SLC9A9: variants seen among roughly 807,000 people sequenced by gnomAD.
SLC9A9 encodes the protein solute carrier family 9 member A9.
Under a neutral mutation model 77.8 loss-of-function variants are expected in SLC9A9, and 62 were observed. That is an observed-to-expected ratio of 0.80 (90% CI 0.65 to 0.98). SLC9A9 has a LOEUF of 0.98. Among genes scored for constraint, SLC9A9 ranks in the 50% least tolerant of loss-of-function variants. The probability of loss-of-function intolerance (pLI) is 0.00; values close to 1 mark genes in which losing one functional copy is unlikely to be tolerated. For missense variants in SLC9A9, 775 were observed against 774.9 expected (o/e 1.00, Z 0.00); for synonymous variants, 320 against 283.5 (o/e 1.13, Z -1.29).
chr3:143,491,618 G>A (rs575730707), intron 11 of SLC9A9, among the ~76,000 whole-genome samples: 4 of 152,130 alleles, frequency 2.6e-5, no homozygotes, highest in Non-Finnish European at 4.4e-5. Context: ...TTTTAACGCA[G>A]CTCCAATACT....
At chr3:143,712,483 C>T (rs17650337) in intron 4 of SLC9A9, among the ~76,000 whole-genome samples, 62,394 of 152,042 alleles carry the variant, frequency 0.41, 14,197 homozygotes, top group South Asian at 0.55. Context: ...AGCAATCTAC[C>T]GGGGGTAACA....
intron 5 of SLC9A9, among the ~76,000 whole-genome samples, chr3:143,672,445 A>G (rs535931230): frequency 3.0e-4 from 46 of 152,364 alleles, no homozygotes; most frequent in Admixed American, 1.8e-3. Context: ...GAGAAACTGA[A>G]GGAAAACAAA....
intron 12 of SLC9A9, among the ~76,000 whole-genome samples, chr3:143,447,777 C>T (rs1278633419): frequency 2.0e-5 from 3 of 152,130 alleles, no homozygotes; most frequent in African/African-American, 7.2e-5. Context: ...TTGTTCATAG[C>T]CCCGCTGTCT....
intron 4 of SLC9A9, among the ~76,000 whole-genome samples, chr3:143,789,190 A>T (rs754210032): frequency 6.6e-6 from 1 of 152,180 alleles, no homozygotes; most frequent in African/African-American, 2.4e-5. Flanking sequence ...TACATGGTAA[A>T]ATCATAGCAT....
At position 143,744,195 on chromosome 3, in the gene SLC9A9, C is replaced by A. The variant is rs1935149382; in HGVS notation, c.533+50806G>T. 2.6e-5 allele frequency among the ~76,000 whole-genome samples: 4 copies of A among 152,230 alleles called. No homozygotes were observed. In the South Asian group the frequency reaches 8.3e-4, roughly 32 times the overall value. ...AAGAATTTTAAAGCACAAAAAAATT[C>A]TTGATTTTGCTTTAAAGCCTAACTA... On this transcript the variant is annotated intron_variant, in intron 4 of 15. Coordinates refer to ENST00000316549, the MANE Select transcript of SLC9A9 (RefSeq NM_173653.4).
At chr3:143,313,193 T>C (rs1341818063) in intron 14 of SLC9A9, 1 of 152,288 alleles carries the variant, frequency 6.6e-6, no homozygotes, top group African/African-American at 2.4e-5. Context: ...TCCGTGGTTG[T>C]TGTAGAGCCT....
intron 9 of SLC9A9, among the ~76,000 whole-genome samples, chr3:143,495,835 C>G (rs1157026618): frequency 6.6e-6 from 1 of 152,116 alleles, no homozygotes; most frequent in Non-Finnish European, 1.5e-5. Flanking sequence ...TGCACATTAC[C>G]CAGTAGATCC....
chr3:143,535,400 C>T (rs998776435), intron 9 of SLC9A9, among the ~76,000 whole-genome samples: 7 of 152,044 alleles, frequency 4.6e-5, no homozygotes, highest in Admixed American at 1.3e-4. Flanking sequence ...TTTCTGACAA[C>T]GATATCAGAG....
chr3:143,805,204 A>G (rs1395605308), intron 2 of SLC9A9, among the ~76,000 whole-genome samples: 2 of 151,918 alleles, frequency 1.3e-5, no homozygotes. Flanking sequence ...TAGTTTCTCA[A>G]TTCATCCAAA....
intron 12 of SLC9A9, among the ~76,000 whole-genome samples, chr3:143,400,594 C>T (rs1275269314): frequency 1.3e-5 from 2 of 151,758 alleles, no homozygotes; most frequent in African/African-American, 2.4e-5. Flanking sequence ...GTATACTACT[C>T]GGGTGATAGG....
At chr3:143,622,901 A>C (rs2038246873) in intron 6 of SLC9A9, among the ~76,000 whole-genome samples, 1 of 152,214 alleles carries the variant, frequency 6.6e-6, no homozygotes, top group African/African-American at 2.4e-5. Flanking sequence ...TAGGCTCAAA[A>C]TAAAGGGATG....
At position 143,708,537 on chromosome 3, in the gene SLC9A9, A is replaced by G. The variant is rs1002930896; in HGVS notation, c.534-15230T>C. Among the ~76,000 whole-genome samples the G allele has an allele frequency of 3.9e-5, 6 of 152,304 alleles. 1 individual carries two copies. ...AAACTATGTTTAATACTCACTGGATATAAGCATTCCTTTCTCACTGCCATC... is the reference window on the plus strand; with the variant it reads ...AAACTATGTTTAATACTCACTGGATGTAAGCATTCCTTTCTCACTGCCATC... On this transcript the variant is annotated intron_variant, in intron 4 of 15. Coordinates refer to ENST00000316549, the MANE Select transcript of SLC9A9 (RefSeq NM_173653.4).
chr3:143,364,188 T>C (rs930076460), intron 13 of SLC9A9, among the ~76,000 whole-genome samples: 1 of 151,906 alleles, frequency 6.6e-6, no homozygotes, highest in African/African-American at 2.4e-5. Flanking sequence ...GAGAAAGTGT[T>C]TGATGGGTGT....
chr3:143,266,304 T>G lies in SLC9A9; in HGVS notation c.*398A>C. On this transcript the variant is annotated 3_prime_UTR_variant, in exon 16 of 16. Coordinates refer to ENST00000316549, the MANE Select transcript of SLC9A9 (RefSeq NM_173653.4). Reference sequence around the variant, plus strand: ...GCAAAATGTTTACTCTCAGAAGCTTTCTTTTATTTTTAAACTCTCCTTAAT... The same window carrying G: ...GCAAAATGTTTACTCTCAGAAGCTTGCTTTTATTTTTAAACTCTCCTTAAT... The G allele has an allele frequency of 1.7e-6, 1 of 581,736 alleles. No individual in the cohort carries two copies. The highest frequency in any genetic ancestry group is 2.9e-5 in the East Asian group (1 of 34,804). 36.0% of individuals were successfully genotyped at this position (581,736 alleles called of 1,614,324 possible).
intron 12 of SLC9A9, among the ~76,000 whole-genome samples, chr3:143,403,577 CT>C (rs1272050982): frequency 3.3e-5 from 5 of 151,274 alleles, no homozygotes; most frequent in African/African-American, 7.3e-5. Context: ...GGAAATGTGA[CT>C]TTGTTTTCCT....
chr3:143,629,572 C>CGTGTGT (rs112725310), intron 6 of SLC9A9, among the ~76,000 whole-genome samples: 4 of 146,646 alleles, frequency 2.7e-5, no homozygotes, highest in East Asian at 2.0e-4. Context: ...CGTGTGTGTG[C>CGTGTGT]GTGTGTGTGT....
At chr3:143,626,095 T>A (rs1000443286) in intron 6 of SLC9A9, among the ~76,000 whole-genome samples, 4 of 152,192 alleles carry the variant, frequency 2.6e-5, no homozygotes, top group Non-Finnish European at 5.9e-5. Flanking sequence ...GGAATGGCGA[T>A]CATTAAAAAG....
chr3:143,839,437 C>T (rs1036814737), intron 1 of SLC9A9, among the ~76,000 whole-genome samples: 3 of 152,208 alleles, frequency 2.0e-5, no homozygotes, highest in Middle Eastern at 6.8e-3. Flanking sequence ...AACATCAGAT[C>T]CTCCATCAGA....
chr3:143,791,472 C>G (rs2008222000), intron 4 of SLC9A9, among the ~76,000 whole-genome samples: 2 of 152,198 alleles, frequency 1.3e-5, no homozygotes, highest in Non-Finnish European at 2.9e-5. Flanking sequence ...CACAATCTCT[C>G]TCCATGGCCT....
Sources: gnomAD v4.1 joint callset for allele counts (sites outside exome capture counted in the v4.1 genomes callset) on GRCh38, gnomAD v4.1.1 for gene constraint, MANE v1.5 for transcripts, NCBI Gene and HGNC (gene_info 2026-07-23, HGNC 2026-07-21) for gene names.